Variants in ZNF652 observed in about 807,000 individuals in gnomAD.
ZNF652 encodes zinc finger protein 652.
Under a neutral mutation model 45.2 loss-of-function variants are expected in ZNF652, and 16 were observed. The observed-to-expected ratio is 0.35, with a 90% CI of 0.24 to 0.54. ZNF652 has a LOEUF of 0.54. Among genes scored for constraint, ZNF652 ranks in the 20% least tolerant of loss-of-function variants. The pLI is 0.91. For missense variants in ZNF652, 614 were observed against 765.6 expected, an observed-to-expected ratio of 0.80 and a Z score of 2.34; for synonymous variants, 250 against 260.6, an observed-to-expected ratio of 0.96 and a Z score of 0.39.
chr17:49,327,735 ATATATATATATATATATAT>A (rs2069972079), intron 1 of ZNF652, among the ~76,000 whole-genome samples: 1 of 4,926 alleles, frequency 2.0e-4, no homozygotes, highest in East Asian at 5.2e-3. Context: ...AAATAAATAT[ATATATATATATATATATAT>A]ATATATATAT....
At position 49,298,492 on chromosome 17, in the gene ZNF652, G is replaced by C. The variant is rs150477423; in HGVS notation, c.1742C>G (p.Pro581Arg). ...PPPPALFKSEPLNHRGQSEDN... is the reference protein window; with the variant it reads ...PPPPALFKSERLNHRGQSEDN... ...CTCACTCTGGCCTCTATGATTTAAA[G>C]GCTCACTCTTAAAGAGAGCTGGAGG... is the stretch of plus-strand genomic sequence containing the variant. Residue 581 changes from proline to arginine, a missense_variant, in exon 6 of 6, where the codon CCT (proline) becomes CGT (arginine). This residue lies in a region of ZNF652 where 132 missense variants were observed against 137.2 expected (regional missense o/e 0.96). Coordinates refer to ENST00000430262, the MANE Select transcript of ZNF652 (RefSeq NM_001145365.3). 9.9e-6 allele frequency: 16 copies of C among 1,613,202 alleles called. No homozygotes were observed. Among genetic ancestry groups the C allele is most frequent in the Admixed American group, 5.0e-5 (3 of 59,974 alleles).
At chr17:49,327,209 T>C (rs1382612377) in intron 1 of ZNF652, among the ~76,000 whole-genome samples, 3 of 152,212 alleles carry the variant, frequency 2.0e-5, no homozygotes, top group East Asian at 1.9e-4. Flanking sequence ...GTTGCCCAGG[T>C]TGGAGTGCAG....
rs2069417654 is a variant in ZNF652, at chr17:49,292,560, A to G, written c.*5853T>C. On this transcript the variant is annotated 3_prime_UTR_variant, in exon 6 of 6. Coordinates refer to ENST00000430262, the MANE Select transcript of ZNF652 (RefSeq NM_001145365.3). The stretch of plus-strand genomic sequence containing the variant: ...GTATAGTCTTGCAAAATGTGTACGG[A>G]AGGGAGTGGGCACATGGGAACAGGG... Among the ~76,000 whole-genome samples the G allele has an allele frequency of 6.6e-6, 1 of 152,148 alleles. No individual in the cohort carries two copies. Among genetic ancestry groups the G allele is most frequent in the Non-Finnish European group, 1.5e-5 (1 of 68,024 alleles).
Position 49,297,536 on chromosome 17 carries a change from G to A in ZNF652, c.*877C>T, listed in dbSNP as rs2069492596. On this transcript the variant is annotated 3_prime_UTR_variant, in exon 6 of 6. Transcript: ENST00000430262. ...GAGCCTCTCTTGAGTGTTAAGCAGAGATGTCAAAACTACCAAGTATTTACG... is the reference window on the plus strand; with the variant it reads ...GAGCCTCTCTTGAGTGTTAAGCAGAAATGTCAAAACTACCAAGTATTTACG... The A allele has an allele frequency of 6.6e-6, 1 of 152,584 alleles. No homozygotes were observed. The highest frequency in any genetic ancestry group is 2.4e-5 in the African/African-American group (1 of 41,438). 9.5% of individuals were successfully genotyped at this position (152,584 alleles called of 1,614,324 possible).
chr17:49,342,292 G>C (rs2070156148), intron 1 of ZNF652, among the ~76,000 whole-genome samples: 1 of 151,800 alleles, frequency 6.6e-6, no homozygotes, highest in South Asian at 2.1e-4. Flanking sequence ...TTGTGTACAA[G>C]AACCACATAA....
rs1239511044 is a variant in ZNF652, at chr17:49,298,312, C to T, written c.*101G>A. Reference sequence around the variant, plus strand: ...ACACTGGCGAAGCTCTTGGTAGAGGCGGAGGAGAGTCTGAGAACTAAGGAA... The same window carrying T: ...ACACTGGCGAAGCTCTTGGTAGAGGTGGAGGAGAGTCTGAGAACTAAGGAA... On this transcript the variant is annotated 3_prime_UTR_variant, in exon 6 of 6. Transcript: ENST00000430262. The T allele has an allele frequency of 1.5e-5, 22 of 1,445,016 alleles. No homozygotes were observed. The highest frequency in any genetic ancestry group is 2.0e-5 in the Admixed American group (1 of 48,822). 89.5% of individuals were successfully genotyped at this position (1,445,016 alleles called of 1,614,324 possible). A position where few individuals can be genotyped will look rare whatever the true frequency, so the allele number is the denominator to read the frequency against.
Position 49,356,333 on chromosome 17 carries a change from G to A in ZNF652, c.-259+5576C>T, listed in dbSNP as rs1213264315. ...TCCCAGCTACTTGGGGGAGGCTGAG[G>A]CATGAGAATTGCTTGAACCCGGGAG... On this transcript the variant is annotated intron_variant, in intron 1 of 5. Transcript: ENST00000430262. Among the ~76,000 whole-genome samples, 4 of 143,686 alleles carry A rather than the reference G, an allele frequency of 2.8e-5. No homozygotes were observed. In the East Asian group the frequency reaches 8.6e-4, roughly 31 times the overall value. The allele number at this position is 143,686 out of a possible 152,430, so 94.3% of individuals were successfully genotyped here. A position where few individuals can be genotyped will look rare whatever the true frequency, so the allele number is the denominator to read the frequency against.
intron 1 of ZNF652, among the ~76,000 whole-genome samples, chr17:49,355,669 G>A (rs2070328456): frequency 6.6e-6 from 1 of 152,126 alleles, no homozygotes. Flanking sequence ...GGAGGCCGAG[G>A]CGGGCAGATC....
At chr17:49,306,083 G>T (rs921597785) in intron 5 of ZNF652, among the ~76,000 whole-genome samples, 3 of 152,164 alleles carry the variant, frequency 2.0e-5, no homozygotes, top group Admixed American at 6.6e-5. Context: ...GAAAACAGAG[G>T]TCTAGAGAGG....
downstream of ZNF652, among the ~76,000 whole-genome samples, chr17:49,288,755 G>A (rs1003370805): frequency 6.6e-6 from 1 of 152,170 alleles, no homozygotes; most frequent in Admixed American, 6.5e-5. Context: ...AGGGGGTAGA[G>A]GTAGGGAAAG....
At chr17:49,332,801 C>A (rs1288725808) in intron 1 of ZNF652, among the ~76,000 whole-genome samples, 1 of 152,132 alleles carries the variant, frequency 6.6e-6, no homozygotes, top group Admixed American at 6.6e-5. Flanking sequence ...TTTACTTAGA[C>A]AAAGTTTGTA....
chr17:49,312,685 C>A lies in ZNF652; in HGVS notation c.1048+13G>T. Reference sequence around the variant, plus strand: ...GAAAATTATAGGTATAAGAGAAAAGCAGAAAAACTTACCAACCATGTGTTT... The same window carrying A: ...GAAAATTATAGGTATAAGAGAAAAGAAGAAAAACTTACCAACCATGTGTTT... On this transcript the variant is annotated intron_variant, in intron 3 of 5. Transcript: ENST00000430262. 6.2e-7 allele frequency: 1 copy of A among 1,610,728 alleles called. No homozygotes were observed. The highest frequency in any genetic ancestry group is 8.5e-7 in the Non-Finnish European group (1 of 1,178,828).
At position 49,362,103 on chromosome 17, in the gene ZNF652, G is replaced by A. The variant is rs1567705377; in HGVS notation, c.-453C>T. 1 of 149,630 alleles carries A rather than the reference G, an allele frequency of 6.7e-6. No individual in the cohort carries two copies. Among genetic ancestry groups the A allele is most frequent in the Non-Finnish European group, 1.5e-5 (1 of 66,982 alleles). The allele number at this position is 149,630 out of a possible 1,614,324, so 9.3% of individuals were successfully genotyped here. Reference sequence around the variant, plus strand: ...GCTGCCGCTGCCGCCGCAGCGCTACGTGGCCGCCGCTCCGACGTCTCGCGA... The same window carrying A: ...GCTGCCGCTGCCGCCGCAGCGCTACATGGCCGCCGCTCCGACGTCTCGCGA... On this transcript the variant is annotated 5_prime_UTR_variant, in exon 1 of 6. It adds an upstream start codon to the 5' untranslated region. Transcript: ENST00000430262.
rs1291278431 is a variant in ZNF652 at position 49,333,760 on chromosome 17, C to T, written c.-258-15777G>A. On this transcript the variant is annotated intron_variant, in intron 1 of 5. Transcript: ENST00000430262. ...AAAAAAAAAGAAGATATACAAATGGCCAATGCGTAAAGGAAAAGATGCTTA... is the reference window on the plus strand; with the variant it reads ...AAAAAAAAAGAAGATATACAAATGGTCAATGCGTAAAGGAAAAGATGCTTA... Among the ~76,000 whole-genome samples, 36 of 149,648 alleles carry T rather than the reference C, an allele frequency of 2.4e-4. No homozygotes were observed. In the Admixed American group the frequency reaches 2.4e-3, roughly 10 times the overall value.
rs117955620 is a variant in ZNF652 at position 49,327,662 on chromosome 17, T to G, written c.-258-9679A>C. 1.7e-3 allele frequency among the ~76,000 whole-genome samples: 251 copies of G among 146,594 alleles called. 10 individuals are homozygous for G. In the East Asian group the frequency reaches 0.051, roughly 30 times the overall value. ...GGGAGGCTGAGGCAGGAGGATCGCT[T>G]GAAGCAAGGGAGTTCAAGAGTAACC... On this transcript the variant is annotated intron_variant, in intron 1 of 5. Transcript: ENST00000430262.
chr17:49,322,272 CAAGTTT>C (rs1244539956), intron 1 of ZNF652: 1 of 152,158 alleles, frequency 6.6e-6, no homozygotes, highest in East Asian at 1.9e-4. Context: ...AAGATTTTCC[CAAGTTT>C]AATGTCTGAA....
At chr17:49,342,986 A>G (rs1598311507) in intron 1 of ZNF652, among the ~76,000 whole-genome samples, 1 of 151,438 alleles carries the variant, frequency 6.6e-6, no homozygotes, top group Admixed American at 6.6e-5. Context: ...GGTTCAAGCG[A>G]TTCTCCTGCC....
At chr17:49,336,772 G>T (rs1405917721) in intron 1 of ZNF652, among the ~76,000 whole-genome samples, 2 of 151,492 alleles carry the variant, frequency 1.3e-5, no homozygotes, top group Non-Finnish European at 2.9e-5. Flanking sequence ...GATTACAGGC[G>T]CATGCTACCA....
intron 2 of ZNF652, among the ~76,000 whole-genome samples, chr17:49,314,069 A>G (rs1022137815): frequency 2.0e-5 from 3 of 148,382 alleles, no homozygotes; most frequent in Admixed American, 1.4e-4. Context: ...TTGAAATGTT[A>G]TATTTCCTCA....
Sources: gnomAD v4.1 joint callset for allele counts (sites outside exome capture counted in the v4.1 genomes callset) on GRCh38, gnomAD v4.1.1 for gene constraint, gnomAD v4.1.1 regional missense constraint, MANE v1.5 for transcripts, NCBI Gene and HGNC (gene_info 2026-07-23, HGNC 2026-07-21) for gene names.